The following SLC8A1 variants were observed in gnomAD, a reference collection of about 807,000 sequenced individuals.
The protein encoded by SLC8A1 is solute carrier family 8 member A1, also known as sodium/calcium exchanger 1.
Under a neutral mutation model 68.3 loss-of-function variants are expected in SLC8A1, and 18 were observed. The observed-to-expected ratio is 0.26, with a 90% CI of 0.18 to 0.39. The LOEUF is 0.39. SLC8A1 is among the 10% of genes least tolerant of loss of function. SLC8A1 has a pLI of 1.00. For missense variants in SLC8A1, 985 were observed against 1,156.7 expected, an observed-to-expected ratio of 0.85 and a Z score of 2.15; for synonymous variants, 475 against 415.5, an observed-to-expected ratio of 1.14 and a Z score of -1.74.
intron 5 of SLC8A1, among the ~76,000 whole-genome samples, chr2:40,161,095 G>T (rs1000214422): frequency 1.3e-5 from 2 of 152,170 alleles, no homozygotes; most frequent in Non-Finnish European, 2.9e-5. Context: ...CTCCTTCACT[G>T]ACTAATGAAG....
chr2:40,331,689 G>A (rs1365875544), intron 2 of SLC8A1, among the ~76,000 whole-genome samples: 2 of 152,054 alleles, frequency 1.3e-5, no homozygotes, highest in African/African-American at 2.4e-5. Context: ...TGCCTCCCGG[G>A]TTCAAGCGAT....
At chr2:40,316,457 AT>A (rs1321625189) in intron 2 of SLC8A1, among the ~76,000 whole-genome samples, 36 of 152,188 alleles carry the variant, frequency 2.4e-4, no homozygotes, top group African/African-American at 8.2e-4. Context: ...TTGGTTAAAT[AT>A]TTGATAGATA....
intron 2 of SLC8A1, among the ~76,000 whole-genome samples, chr2:40,422,987 CG>C (rs935305849): frequency 5.9e-5 from 9 of 152,132 alleles, no homozygotes; most frequent in African/African-American, 1.7e-4. Context: ...CATTTGAGAA[CG>C]GGAAAACAAT....
At chr2:40,203,781 C>A (rs976174915) in intron 2 of SLC8A1, among the ~76,000 whole-genome samples, 3 of 151,980 alleles carry the variant, frequency 2.0e-5, no homozygotes, top group African/African-American at 7.2e-5. Context: ...CCATGGCTCA[C>A]TGCAGCCTCA....
chr2:40,490,977 A>G (rs1261165062), intron 1 of SLC8A1, among the ~76,000 whole-genome samples: 1 of 152,162 alleles, frequency 6.6e-6, no homozygotes, highest in Non-Finnish European at 1.5e-5. Context: ...GCCATTCACT[A>G]TACCTTCTAT....
At chr2:40,278,559 T>C (rs2067083601) in intron 2 of SLC8A1, among the ~76,000 whole-genome samples, 1 of 152,158 alleles carries the variant, frequency 6.6e-6, no homozygotes, top group Non-Finnish European at 1.5e-5. Flanking sequence ...ACTTTGCATA[T>C]TATTCATTCA....
At chr2:40,252,903 ATG>A (rs2063056365) in intron 2 of SLC8A1, among the ~76,000 whole-genome samples, 2 of 137,798 alleles carry the variant, frequency 1.5e-5, no homozygotes, top group South Asian at 4.2e-4. Context: ...TTTTATATGT[ATG>A]TATATGTGTA....
intron 2 of SLC8A1, among the ~76,000 whole-genome samples, chr2:40,382,613 A>T (rs996396715): frequency 5.3e-5 from 8 of 152,086 alleles, no homozygotes; most frequent in African/African-American, 1.7e-4. Flanking sequence ...ATTATAAAAG[A>T]CTGGGCAAAA....
intron 1 of SLC8A1, among the ~76,000 whole-genome samples, chr2:40,509,437 ATT>A (rs367549288): frequency 0.012 from 1,316 of 113,678 alleles, 25 homozygotes; most frequent in African/African-American, 0.043. Context: ...GGGATTTGGA[ATT>A]TTTTTTTTTT....
intron 1 of SLC8A1, among the ~76,000 whole-genome samples, chr2:40,499,683 C>A (rs1705927430): frequency 6.6e-6 from 1 of 152,026 alleles, no homozygotes; most frequent in Non-Finnish European, 1.5e-5. Flanking sequence ...GGACCTAGGA[C>A]AATCTTCTGG....
chr2:40,237,656 G>A (rs1360374476), intron 2 of SLC8A1, among the ~76,000 whole-genome samples: 2 of 152,172 alleles, frequency 1.3e-5, no homozygotes, highest in Non-Finnish European at 2.9e-5. Context: ...GAGGAACTGT[G>A]TTCCTTTGGA....
chr2:40,382,235 G>C (rs146542453), intron 2 of SLC8A1, among the ~76,000 whole-genome samples: 2 of 152,156 alleles, frequency 1.3e-5, no homozygotes, highest in East Asian at 3.9e-4. Flanking sequence ...GCATATTATA[G>C]CTCAGAAAGG....
At chr2:40,239,352 T>G (rs1252745677) in intron 2 of SLC8A1, among the ~76,000 whole-genome samples, 1 of 152,182 alleles carries the variant, frequency 6.6e-6, no homozygotes. Context: ...TTATCTGGAT[T>G]TTTTTCCTAG....
chr2:40,112,303 C>CATA (rs1269491401), exon 8 of SLC8A1: 1 of 151,514 alleles, frequency 6.6e-6, no homozygotes, highest in East Asian at 1.9e-4. Flanking sequence ...TAATATGTAC[C>CATA]ATTTATAAGG....
chr2:40,321,360 T>C (rs892072370), intron 2 of SLC8A1, among the ~76,000 whole-genome samples: 1 of 152,122 alleles, frequency 6.6e-6, no homozygotes, highest in Admixed American at 6.5e-5. Context: ...TGGGATTATA[T>C]TTTTCAGAAA....
chr2:40,154,856 G>C (rs1041143841), intron 6 of SLC8A1, among the ~76,000 whole-genome samples: 1 of 151,854 alleles, frequency 6.6e-6, no homozygotes, highest in South Asian at 2.1e-4. Context: ...GTAGAGATGG[G>C]GTTTCACTAT....
intron 2 of SLC8A1, among the ~76,000 whole-genome samples, chr2:40,416,466 A>C (rs1228490641): frequency 6.6e-6 from 1 of 152,170 alleles, no homozygotes; most frequent in Non-Finnish European, 1.5e-5. Flanking sequence ...TTTAGAAAAC[A>C]AAAAAATATC....
intron 2 of SLC8A1, among the ~76,000 whole-genome samples, chr2:40,339,590 T>C (rs1157963475): frequency 6.6e-6 from 1 of 152,204 alleles, no homozygotes; most frequent in Non-Finnish European, 1.5e-5. Flanking sequence ...TATGAAAAAC[T>C]GCTCAGTAAA....
Position 40,295,105 on chromosome 2 carries a change from A to AT in SLC8A1, c.1809-117251dup, listed in dbSNP as rs537124088. Among the ~76,000 whole-genome samples the AT allele has an allele frequency of 5.8e-3, 850 of 147,002 alleles. 3 individuals carry two copies. The highest frequency in any genetic ancestry group is 0.018 in the East Asian group (89 of 5,068). On this transcript the variant is annotated intron_variant, in intron 2 of 7. Transcript: ENST00000406785. ...AAAAGTTATTTAAGAAACAATTATT[A>AT]TTTTTTTTTTTTGATGCAAGGTCTC... is the stretch of plus-strand genomic sequence containing the variant.
Sources: allele counts gnomAD v4.1 joint callset (sites outside exome capture counted in the v4.1 genomes callset), GRCh38; gene constraint gnomAD v4.1.1; transcripts MANE v1.5; gene names NCBI Gene and HGNC (gene_info 2026-07-23, HGNC 2026-07-21).